CHN2: variants seen among roughly 807,000 people sequenced by gnomAD.
CHN2 encodes the protein chimerin 2.
A neutral mutation model predicts 56.3 loss-of-function variants in CHN2; 35 were observed. The observed-to-expected ratio is 0.62, with a 90% CI of 0.47 to 0.82. The LOEUF (loss-of-function observed/expected upper bound fraction) is 0.82, where lower values mean the gene tolerates loss of function less well. CHN2 is among the 40% of genes least tolerant of loss of function. The pLI is 0.00. For missense variants in CHN2, 491 were observed against 580.5 expected, an observed-to-expected ratio of 0.85 and a Z score of 1.58; for synonymous variants, 210 against 212.8, an observed-to-expected ratio of 0.99 and a Z score of 0.12.
chr7:29,313,930 G>A (rs1794772889), intron 1 of CHN2, among the ~76,000 whole-genome samples: 1 of 152,270 alleles, frequency 6.6e-6, no homozygotes, highest in South Asian at 2.1e-4. Context: ...TTTGGTTAGA[G>A]CCATTCTGCC....
chr7:29,480,498 C>T (rs1159307355), intron 7 of CHN2, 142 bp downstream of exon 7: 2 of 873,306 alleles, frequency 2.3e-6, no homozygotes, highest in Non-Finnish European at 3.5e-6. Context: ...AAGCTTAACA[C>T]CTGCGCTTTC....
At chr7:29,175,049 C>T in intron 2 of CHN2, among the ~76,000 whole-genome samples, 1 of 152,128 alleles carries the variant, frequency 6.6e-6, no homozygotes, top group East Asian at 1.9e-4. Flanking sequence ...TGAATTGTAG[C>T]TCCCATAATT....
At chr7:29,483,440 C>T (rs1447694947) in intron 7 of CHN2, among the ~76,000 whole-genome samples, 3 of 152,154 alleles carry the variant, frequency 2.0e-5, no homozygotes, top group East Asian at 3.9e-4. Flanking sequence ...GGCACCTCAT[C>T]GCATGCAATA....
chr7:29,246,498 A>G (rs780833162), intron 1 of CHN2, among the ~76,000 whole-genome samples: 10 of 152,118 alleles, frequency 6.6e-5, no homozygotes, highest in Non-Finnish European at 1.3e-4. Flanking sequence ...CCTGTTAGTA[A>G]GTGATGGGTT....
rs112353639 is a variant in CHN2 at position 29,459,703 on chromosome 7, G to A, written c.577-20576G>A. ...GACAGCCACCTTCACCGCAGGCCAG[G>A]TGTGACATCAGCCTGCACCCTAGCA... On this transcript the variant is annotated intron_variant, in intron 6 of 12. Transcript: ENST00000222792. 1.7e-4 allele frequency among the ~76,000 whole-genome samples: 26 copies of A among 152,268 alleles called. 1 individual carries two copies. The highest frequency in any genetic ancestry group is 6.3e-4 in the African/African-American group (26 of 41,558).
At chr7:29,326,418 A>T (rs996240897) in intron 1 of CHN2, among the ~76,000 whole-genome samples, 1 of 152,154 alleles carries the variant, frequency 6.6e-6, no homozygotes, top group African/African-American at 2.4e-5. Flanking sequence ...GGCTTCCCAA[A>T]GTGTTGGGAT....
intron 6 of CHN2, among the ~76,000 whole-genome samples, chr7:29,462,574 A>G (rs1191284259): frequency 1.3e-5 from 2 of 152,174 alleles, no homozygotes; most frequent in African/African-American, 4.8e-5. Flanking sequence ...TAGATTGTCA[A>G]TCAGAGTGCC....
chr7:29,195,629 A>AGAGAGAGAGTGT (rs869037854), intron 1 of CHN2, among the ~76,000 whole-genome samples: 64 of 117,558 alleles, frequency 5.4e-4, no homozygotes, highest in South Asian at 3.7e-3. Flanking sequence ...AGAGAGAGAG[A>AGAGAGAGAGTGT]GTGTGTGTGT....
intron 2 of CHN2, among the ~76,000 whole-genome samples, chr7:29,355,770 CTATTTTTTTTT>C (rs1192587595): frequency 1.8e-5 from 2 of 108,486 alleles, no homozygotes; most frequent in African/African-American, 6.9e-5. Flanking sequence ...ACAGATGGGA[CTATTTTTTTTT>C]TTTTTTTTTT....
At chr7:29,509,260 C>T in intron 11 of CHN2, 41 bp from the exon 12 acceptor site, 14 of 1,458,848 alleles carry the variant, frequency 9.6e-6, no homozygotes, top group Non-Finnish European at 1.3e-5. Context: ...AACTTGAATG[C>T]CACACTCTGA....
At chr7:29,441,912 A>G (rs1783677869) in intron 6 of CHN2, among the ~76,000 whole-genome samples, 1 of 152,210 alleles carries the variant, frequency 6.6e-6, no homozygotes, top group Non-Finnish European at 1.5e-5. Context: ...CATATAACTC[A>G]TAAATTCCAT....
At chr7:29,337,571 C>G (rs1796719917) in intron 1 of CHN2, among the ~76,000 whole-genome samples, 1 of 152,206 alleles carries the variant, frequency 6.6e-6, no homozygotes, top group Non-Finnish European at 1.5e-5. Flanking sequence ...TTGCCTTACT[C>G]TTAACCCTTT....
intron 11 of CHN2, among the ~76,000 whole-genome samples, chr7:29,508,113 A>G (rs1300140445): frequency 1.3e-5 from 2 of 152,222 alleles, no homozygotes; most frequent in African/African-American, 2.4e-5. Flanking sequence ...GGCAAATATT[A>G]TAATCCCATT....
intron 1 of CHN2, among the ~76,000 whole-genome samples, chr7:29,291,330 C>G (rs1298280057): frequency 6.6e-6 from 1 of 152,082 alleles, no homozygotes; most frequent in African/African-American, 2.4e-5. Context: ...ATTTAAGAGA[C>G]AGATTAACAA....
intron 2 of CHN2, among the ~76,000 whole-genome samples, chr7:29,185,985 TGA>T: frequency 6.6e-6 from 1 of 152,282 alleles, no homozygotes; most frequent in South Asian, 2.1e-4. Flanking sequence ...TCCCCAGAGG[TGA>T]TCAAATTATG....
rs1340439974 is a variant in CHN2 at position 29,464,280 on chromosome 7, T to C, written c.577-15999T>C. Among the ~76,000 whole-genome samples, 4 of 152,342 alleles carry C rather than the reference T, an allele frequency of 2.6e-5. 1 individual carries two copies. The highest frequency in any genetic ancestry group is 4.1e-4 in the South Asian group (2 of 4,822). The stretch of plus-strand genomic sequence containing the variant: ...GGACATTAGTACTGGTAGGTATTCA[T>C]TGGCCTTGCAAATAGTTTGGAAAAT... On this transcript the variant is annotated intron_variant, in intron 6 of 12. Transcript: ENST00000222792.
chr7:29,409,002 A>G (rs1258074787), intron 6 of CHN2, among the ~76,000 whole-genome samples: 1 of 152,220 alleles, frequency 6.6e-6, no homozygotes, highest in Non-Finnish European at 1.5e-5. Context: ...ACCAAACCTA[A>G]CGGATGTGAA....
At chr7:29,331,189 G>C (rs1430622843) in intron 1 of CHN2, among the ~76,000 whole-genome samples, 1 of 152,218 alleles carries the variant, frequency 6.6e-6, no homozygotes, top group East Asian at 1.9e-4. Flanking sequence ...GAGGACATCT[G>C]TCAAGGCCCT....
intron 1 of CHN2, among the ~76,000 whole-genome samples, chr7:29,200,489 G>T (rs1784075898): frequency 9.5e-6 from 1 of 105,158 alleles, no homozygotes; most frequent in South Asian, 3.5e-4. Flanking sequence ...CCCCCCTTTT[G>T]TCTCTTTTTC....
Sources: allele counts gnomAD v4.1 joint callset (sites outside exome capture counted in the v4.1 genomes callset), GRCh38; gene constraint gnomAD v4.1.1; transcripts MANE v1.5; gene names NCBI Gene and HGNC (gene_info 2026-07-23, HGNC 2026-07-21).